MBP: variants seen among roughly 807,000 people sequenced by gnomAD.
The protein encoded by MBP is myelin basic protein.
Under a neutral mutation model 35.8 loss-of-function variants are expected in MBP, and 16 were observed. The observed-to-expected ratio is 0.45, with a 90% CI of 0.30 to 0.68. The LOEUF (loss-of-function observed/expected upper bound fraction) is 0.68. MBP is among the 30% of genes least tolerant of loss of function. MBP has a pLI of 0.08. For synonymous variants in MBP, 143 were observed against 159.6 expected, an observed-to-expected ratio of 0.90 and a Z score of 0.78; for missense variants, 380 against 404.7, an observed-to-expected ratio of 0.94 and a Z score of 0.52.
rs1969493223 is a variant in MBP, at chr18:76,985,419, T to C, written c.751-525A>G. ...GATTCTGGTCACATGTGCCCTGTGG[T>C]TCTAGGATCTGTCTGGGAGATCAAG... On this transcript the variant is annotated intron_variant, in intron 7 of 8. Coordinates refer to ENST00000355994, the MANE Select transcript of MBP (RefSeq NM_001025101.2). 4.1e-6 allele frequency: 5 copies of C among 1,207,592 alleles called. No individual in the cohort carries two copies. In the Admixed American group the frequency reaches 1.7e-4, roughly 40 times the overall value. The allele number at this position is 1,207,592 out of a possible 1,614,324, so 74.8% of individuals were successfully genotyped here. A position where few individuals can be genotyped will look rare whatever the true frequency, so the allele number is the denominator to read the frequency against.
chr18:76,993,064 G>A (rs1599489076), intron 4 of MBP, among the ~76,000 whole-genome samples: 3 of 152,282 alleles, frequency 2.0e-5, no homozygotes, highest in Middle Eastern at 3.4e-3. Flanking sequence ...CCCCTTGCTC[G>A]TGGCCTCCCC....
At chr18:77,119,679 G>T (rs564315535) in intron 1 of MBP, among the ~76,000 whole-genome samples, 1 of 152,186 alleles carries the variant, frequency 6.6e-6, no homozygotes, top group Non-Finnish European at 1.5e-5. Context: ...GGAGCCGAGA[G>T]CAGGAGCCAG....
rs552624169 is a variant in MBP, at chr18:77,025,455, C to G, written c.140-8187G>C. On this transcript the variant is annotated intron_variant, in intron 3 of 8. Transcript: ENST00000355994. ...CACCATAGCCACCTGGACATCGATA[C>G]GTTAATGACTGTTAAACATGAACAA... Among the ~76,000 whole-genome samples, 26 of 152,266 alleles carry G rather than the reference C, an allele frequency of 1.7e-4. No homozygotes were observed. The East Asian group carries it at 5.0e-3, about 30-fold the overall frequency.
intron 4 of MBP, chr18:77,016,546 G>A (rs1035614694): frequency 7.8e-7 from 1 of 1,285,236 alleles, no homozygotes; most frequent in East Asian, 3.2e-5. Context: ...CAACGCCCAT[G>A]TCCAGGCACC....
At chr18:77,092,812 C>G (rs996015436) in intron 2 of MBP, among the ~76,000 whole-genome samples, 46 of 152,170 alleles carry the variant, frequency 3.0e-4, no homozygotes, top group African/African-American at 1.0e-3. Context: ...TCGGCCGTTT[C>G]CTTCAGCAGC....
At chr18:77,069,322 C>T (rs1317043903) in intron 2 of MBP, among the ~76,000 whole-genome samples, 2 of 152,236 alleles carry the variant, frequency 1.3e-5, no homozygotes, top group East Asian at 1.9e-4. Context: ...AATAATTTCC[C>T]GATAGTCTTT....
chr18:77,105,289 AAAAGAG>A lies in MBP; in HGVS notation c.-25-9_-25-4del, dbSNP rs765575176. The A allele has an allele frequency of 5.6e-6, 9 of 1,595,918 alleles. No individual in the cohort carries two copies. Among genetic ancestry groups the A allele is most frequent in the East Asian group, 2.2e-5 (1 of 44,662 alleles). On this transcript the variant is annotated splice_region_variant and splice_polypyrimidine_tract_variant and intron_variant, in intron 1 of 8. Transcript: ENST00000355994. ...TGAATGGATTGGCTCTTCAGAGGCT[AAAAGAG>A]AAAGAGAAAGTGTCAGCCCTAAGTC...
chr18:77,027,316 A>C (rs1429720660), intron 3 of MBP, among the ~76,000 whole-genome samples: 1 of 152,252 alleles, frequency 6.6e-6, no homozygotes. Flanking sequence ...TAGCTTCATT[A>C]AAGTGACATT....
At position 77,013,648 on chromosome 18, in the gene MBP, G is replaced by T. The variant is rs142303597; in HGVS notation, c.576+3184C>A. The T allele has an allele frequency of 1.9e-4, 184 of 985,404 alleles. 1 individual carries two copies. Among genetic ancestry groups the T allele is most frequent in the African/African-American group, 9.9e-4 (57 of 57,344 alleles). 61.0% of individuals were successfully genotyped at this position (985,404 alleles called of 1,614,324 possible). Reference sequence around the variant, plus strand: ...ATGCTGAATAGAAGAACACTGAGAAGAGCAGGTTATAAATGAAGGTTTTCA... The same window carrying T: ...ATGCTGAATAGAAGAACACTGAGAATAGCAGGTTATAAATGAAGGTTTTCA... On this transcript the variant is annotated intron_variant, in intron 4 of 8. Coordinates refer to ENST00000355994, the MANE Select transcript of MBP (RefSeq NM_001025101.2).
chr18:77,105,260 A>ATCC lies in MBP; in HGVS notation c.-2_1dup (p.Arg1_?0). On this transcript the variant is annotated start_lost and start_retained_variant, in exon 2 of 9. Coordinates refer to ENST00000355994, the MANE Select transcript of MBP (RefSeq NM_001025101.2). ...TTCTCGTTTGCCTGCGTGGTTTCCC[A>ATCC]TCCTGAATGGATTGGCTCTTCAGAG... The ATCC allele has an allele frequency of 6.2e-7, 1 of 1,612,152 alleles. No individual in the cohort carries two copies. Among genetic ancestry groups the ATCC allele is most frequent in the Non-Finnish European group, 8.5e-7 (1 of 1,178,616 alleles).
At chr18:77,112,431 C>A (rs1976497647) in intron 1 of MBP, among the ~76,000 whole-genome samples, 2 of 152,234 alleles carry the variant, frequency 1.3e-5, no homozygotes, top group African/African-American at 4.8e-5. Flanking sequence ...GCTGGGTGCG[C>A]CGGCTTTCCC....
chr18:77,017,322 C>G, intron 3 of MBP, 54 bp from the exon 4 acceptor site: 2 of 1,451,860 alleles, frequency 1.4e-6, no homozygotes, highest in Non-Finnish European at 1.8e-6. Flanking sequence ...GAGCACCGGA[C>G]AAAGCAGCTT....
At chr18:77,108,110 G>T (rs193282948) in intron 1 of MBP, among the ~76,000 whole-genome samples, 4 of 152,324 alleles carry the variant, frequency 2.6e-5, no homozygotes, top group Admixed American at 2.6e-4. Flanking sequence ...GTGACTGGCA[G>T]TCTGCCTTAT....
In MBP at chr18:77,125,556, G is replaced by T. The variant is rs184350902; in HGVS notation, c.-26+7024C>A. 3.1e-4 allele frequency among the ~76,000 whole-genome samples: 47 copies of T among 152,048 alleles called. No individual in the cohort carries two copies. The East Asian group carries it at 8.5e-3, about 27-fold the overall frequency. On this transcript the variant is annotated intron_variant, in intron 1 of 8. Coordinates refer to ENST00000355994, the MANE Select transcript of MBP (RefSeq NM_001025101.2). ...AATCATGACCACATGTTCTTTTGTG[G>T]ATTTGAAAATTTTAAAGAAATAGAA...
intron 3 of MBP, among the ~76,000 whole-genome samples, chr18:77,023,767 C>T (rs1315698654): frequency 6.6e-6 from 1 of 152,174 alleles, no homozygotes; most frequent in Admixed American, 6.5e-5. Context: ...GGGAGGCTGG[C>T]CCTGGGAGGC....
Position 77,102,270 on chromosome 18 carries a change from C to T in MBP, c.51+2941G>A, listed in dbSNP as rs1313891998. ...CCCTCCCTGCTGACAGATCAGTAAC[C>T]AGCACCTGAAACTGACAGAAACTTT... is the stretch of plus-strand genomic sequence containing the variant. On this transcript the variant is annotated intron_variant, in intron 2 of 8. Coordinates refer to ENST00000355994, the MANE Select transcript of MBP (RefSeq NM_001025101.2). This position sits in a 1 kb window ranked among gnomAD's most constrained non-coding sequence, Gnocchi z 4.4. 6.6e-6 allele frequency among the ~76,000 whole-genome samples: 1 copy of T among 152,144 alleles called. No homozygotes were observed. The highest frequency in any genetic ancestry group is 2.4e-5 in the African/African-American group (1 of 41,416).
At chr18:77,132,072 CCAGCCCGCCCTGG>C (rs2145287616) in intron 1 of MBP, among the ~76,000 whole-genome samples, 1 of 152,258 alleles carries the variant, frequency 6.6e-6, no homozygotes. Context: ...GGAGGACCCC[CCAGCCCGCCCTGG>C]CAGCCAGCAC....
chr18:77,032,206 A>T (rs1972567455), intron 3 of MBP, among the ~76,000 whole-genome samples: 1 of 152,322 alleles, frequency 6.6e-6, no homozygotes, highest in African/African-American at 2.4e-5. Flanking sequence ...TTGTTTGTGG[A>T]ATACTTGTGT....
chr18:77,025,829 G>T (rs771806547), intron 3 of MBP, among the ~76,000 whole-genome samples: 38 of 148,112 alleles, frequency 2.6e-4, no homozygotes, highest in Middle Eastern at 3.5e-3. Flanking sequence ...AAACATCTGG[G>T]TTCCCAGGCA....
Sources: gnomAD v4.1 joint callset for allele counts (sites outside exome capture counted in the v4.1 genomes callset) on GRCh38, gnomAD v4.1.1 for gene constraint, Gnocchi (gnomAD v3.1) non-coding constraint, MANE v1.5 for transcripts, NCBI Gene and HGNC (gene_info 2026-07-23, HGNC 2026-07-21) for gene names.